The following MSN variants were observed in gnomAD, a reference collection of about 807,000 sequenced individuals.
The protein encoded by MSN is moesin.
A neutral mutation model predicts 48.0 loss-of-function variants in MSN; 2 were observed. The ratio of observed to expected loss-of-function variants is 0.04; its 90% CI spans 0.02 to 0.13. The LOEUF (loss-of-function observed/expected upper bound fraction) is 0.13, where lower values mean the gene tolerates loss of function less well. Among genes scored for constraint, MSN ranks in the 10% least tolerant of loss-of-function variants. The pLI, the probability that MSN is intolerant of heterozygous loss-of-function variation, is 1.00. For synonymous variants in MSN, 146 were observed against 166.9 expected, an observed-to-expected ratio of 0.87 and a Z score of 0.97; for missense variants, 267 against 470.1, an observed-to-expected ratio of 0.57 and a Z score of 3.99.
intron 1 of MSN, among the ~76,000 whole-genome samples, chrX:65,689,799 G>A (rs2071155129): frequency 1.8e-5 from 2 of 112,246 alleles, no homozygotes; most frequent in Admixed American, 9.4e-5. Context: ...AGGAAAAGTT[G>A]TAATGCTTGC....
At chrX:65,596,496 C>T (rs770242095) in intron 1 of MSN, among the ~76,000 whole-genome samples, 1 of 110,941 alleles carries the variant, frequency 9.0e-6, no homozygotes, top group East Asian at 2.8e-4. Flanking sequence ...CCACAGTTGC[C>T]GCTGAGAACA....
chrX:65,736,365 T>A (rs2071675746), intron 8 of MSN, among the ~76,000 whole-genome samples: 1 of 108,480 alleles, frequency 9.2e-6, no homozygotes. Flanking sequence ...TGGCCCAAAC[T>A]CACAATCCCT....
At chrX:65,664,061 A>G (rs1373828559), upstream of MSN, among the ~76,000 whole-genome samples, 2 of 104,609 alleles carry the variant, frequency 1.9e-5, no homozygotes, top group Admixed American at 1.0e-4. Flanking sequence ...CTCCATCTCA[A>G]AAAAAAAAAA....
At chrX:65,726,719 C>T (rs1245924237) in intron 2 of MSN, among the ~76,000 whole-genome samples, 1 of 110,933 alleles carries the variant, frequency 9.0e-6, no homozygotes, top group Non-Finnish European at 1.9e-5. Flanking sequence ...CTTCCATCTC[C>T]AGGTATATTT....
rs368343345 is a variant in MSN at position 65,655,063 on chromosome X, A to G, written c.-21-61755A>G. Among the ~76,000 whole-genome samples, 85 of 111,131 alleles carry G rather than the reference A, an allele frequency of 7.6e-4. No homozygotes were observed. In the South Asian group the frequency reaches 0.016, roughly 21 times the overall value. ...AAACTTTTGTTTTTTTCATGTCTGT[A>G]TACACAGAGCCTAGTACAGTGCCTT... On this transcript the variant is annotated intron_variant, in intron 1 of 3. Transcript: ENST00000609672.
intron 1 of MSN, among the ~76,000 whole-genome samples, chrX:65,670,273 T>G (rs935272447): frequency 1.8e-5 from 2 of 112,358 alleles, no homozygotes; most frequent in African/African-American, 6.5e-5. Context: ...TTTTCATTTA[T>G]GTGCTTTAGG....
intron 1 of MSN, among the ~76,000 whole-genome samples, chrX:65,688,330 G>T (rs1236962644): frequency 9.0e-6 from 1 of 111,589 alleles, no homozygotes; most frequent in Non-Finnish European, 1.9e-5. Flanking sequence ...CGCCCACTTC[G>T]GCCTCTCAAA....
chrX:65,699,750 A>C (rs1212403641), intron 1 of MSN, among the ~76,000 whole-genome samples: 1 of 75,543 alleles, frequency 1.3e-5, no homozygotes, highest in Non-Finnish European at 2.0e-5. Flanking sequence ...ATCTGTTTCA[A>C]AAAAAAAAAA....
At chrX:65,706,319 TG>T (rs1201943617) in intron 1 of MSN, among the ~76,000 whole-genome samples, 1 of 111,543 alleles carries the variant, frequency 9.0e-6, no homozygotes, top group Non-Finnish European at 1.9e-5. Context: ...AGTGACGCTG[TG>T]ATGACTATTC....
chrX:65,651,963 A>G (rs2070745757), intron 1 of MSN, among the ~76,000 whole-genome samples: 1 of 106,197 alleles, frequency 9.4e-6, no homozygotes, highest in African/African-American at 3.4e-5. Flanking sequence ...TATTAACACC[A>G]TCCCAGGCCA....
At chrX:65,705,024 G>A (rs1263025339) in intron 1 of MSN, among the ~76,000 whole-genome samples, 4 of 110,436 alleles carry the variant, frequency 3.6e-5, no homozygotes, top group African/African-American at 1.3e-4. Context: ...TCCCACCTTG[G>A]CCTCCCAAAG....
intron 12 of MSN, among the ~76,000 whole-genome samples, 153 bp downstream of exon 12, chrX:65,739,347 G>C (rs1394898338): frequency 1.8e-5 from 2 of 111,799 alleles, no homozygotes; most frequent in Admixed American, 1.9e-4. Flanking sequence ...TTAAGGATAG[G>C]CACCTCTCAC....
intron 5 of MSN, among the ~76,000 whole-genome samples, 157 bp from the exon 6 acceptor site, chrX:65,731,681 T>C (rs1433840221): frequency 9.1e-6 from 1 of 109,388 alleles, no homozygotes; most frequent in African/African-American, 3.3e-5. Flanking sequence ...GCAAAAGTCA[T>C]GCTGTGCTCT....
At chrX:65,696,301 G>C (rs908645424) in intron 1 of MSN, among the ~76,000 whole-genome samples, 6 of 111,466 alleles carry the variant, frequency 5.4e-5, no homozygotes, top group Admixed American at 3.8e-4. Context: ...CTGATAAAGT[G>C]GTGGTATGTA....
chrX:65,601,328 A>G (rs2070233407), intron 1 of MSN, among the ~76,000 whole-genome samples: 1 of 112,004 alleles, frequency 8.9e-6, no homozygotes, highest in South Asian at 3.7e-4. Context: ...CTGAGAATAT[A>G]AACCTGTGGG....
At chrX:65,636,958 G>C (rs1402711023) in intron 1 of MSN, among the ~76,000 whole-genome samples, 4 of 104,581 alleles carry the variant, frequency 3.8e-5, no homozygotes, top group Non-Finnish European at 3.9e-5. Flanking sequence ...TGGGCATGGT[G>C]GTGGGCACCT....
chrX:65,663,786 C>T (rs892467471), upstream of MSN, among the ~76,000 whole-genome samples: 14 of 110,672 alleles, frequency 1.3e-4, no homozygotes, highest in South Asian at 3.8e-4. Flanking sequence ...AGGCCAGGAG[C>T]GGTGACTCAT....
intron 1 of MSN, among the ~76,000 whole-genome samples, chrX:65,660,568 C>CTTT (rs1294905291): frequency 1.1e-5 from 1 of 93,735 alleles, no homozygotes; most frequent in Non-Finnish European, 2.2e-5. Flanking sequence ...TGTTCCAGTT[C>CTTT]TTTTTTTTTT....
At chrX:65,611,491 A>G (rs2148354778) in intron 1 of MSN, among the ~76,000 whole-genome samples, 1 of 111,402 alleles carries the variant, frequency 9.0e-6, no homozygotes, top group African/African-American at 3.3e-5. Flanking sequence ...GGTTTATTTC[A>G]CTTAGCATAA....
Sources: allele counts gnomAD v4.1 joint callset (sites outside exome capture counted in the v4.1 genomes callset), GRCh38; gene constraint gnomAD v4.1.1; transcripts MANE v1.5; gene names NCBI Gene and HGNC (gene_info 2026-07-23, HGNC 2026-07-21).